The following AFF3 variants were observed in gnomAD, a reference collection of about 807,000 sequenced individuals.
AFF3 encodes AF4/FMR2 family member 3.
In AFF3, 32 loss-of-function variants were observed where a neutral mutation model predicts 129.7. That is an observed-to-expected ratio of 0.25 (90% CI 0.19 to 0.33). The LOEUF is 0.33. Among genes scored for constraint, AFF3 ranks in the 10% least tolerant of loss-of-function variants. The pLI is 1.00. For missense variants in AFF3, 1,373 were observed against 1,592.0 expected (o/e 0.86, Z 2.34); for synonymous variants, 644 against 635.4 (o/e 1.01, Z -0.20).
At chr2:100,116,602 C>A (rs1385333360) in intron 2 of AFF3, among the ~76,000 whole-genome samples, 4 of 152,046 alleles carry the variant, frequency 2.6e-5, no homozygotes, top group Admixed American at 2.6e-4. Context: ...TATTTTCTTC[C>A]AGGAAAATTC....
chr2:99,832,951 G>A (rs1467795901), intron 8 of AFF3, among the ~76,000 whole-genome samples: 1 of 152,158 alleles, frequency 6.6e-6, no homozygotes, highest in Non-Finnish European at 1.5e-5. Flanking sequence ...AACAGTATGA[G>A]CTAGAAAAAA....
intron 7 of AFF3, among the ~76,000 whole-genome samples, chr2:99,917,610 G>A (rs1299110382): frequency 6.6e-6 from 1 of 152,126 alleles, no homozygotes; most frequent in East Asian, 1.9e-4. Context: ...ATCATAGAAT[G>A]ACAATAATTT....
intron 7 of AFF3, among the ~76,000 whole-genome samples, chr2:99,940,507 G>T (rs1378796379): frequency 6.6e-6 from 1 of 152,192 alleles, no homozygotes; most frequent in African/African-American, 2.4e-5. Context: ...CCAAAACCAA[G>T]ATGGTGACGA....
rs962379073 is a variant in AFF3, at chr2:99,873,262, C to G, written c.874-35738G>C. Among the ~76,000 whole-genome samples the G allele has an allele frequency of 2.0e-5, 3 of 152,170 alleles. No homozygotes were observed. In the East Asian group the frequency reaches 5.8e-4, roughly 29 times the overall value. ...TGGCATTTTTTAAAAACTGGGTGTT[C>G]GTGGCAGAAAAGAACAAAATGACTG... On this transcript the variant is annotated intron_variant, in intron 7 of 24. Coordinates refer to ENST00000672756, the MANE Select transcript of AFF3 (RefSeq NM_001386135.1).
At chr2:99,675,245 G>C (rs1462159807) in intron 11 of AFF3, among the ~76,000 whole-genome samples, 4 of 152,324 alleles carry the variant, frequency 2.6e-5, no homozygotes, top group African/African-American at 4.8e-5. Flanking sequence ...GACTTCAAGA[G>C]AAGTTCAAAT....
chr2:99,927,390 T>C (rs1327110327), intron 7 of AFF3, among the ~76,000 whole-genome samples: 2 of 152,192 alleles, frequency 1.3e-5, no homozygotes, highest in Non-Finnish European at 2.9e-5. Flanking sequence ...TGGGATACTA[T>C]GCAGCTACAA....
intron 2 of AFF3, chr2:100,106,553 AGGCTGGG>A: frequency 1.3e-5 from 13 of 996,270 alleles, no homozygotes; most frequent in Non-Finnish European, 1.6e-5. Flanking sequence ...CCAGGAACAA[AGGCTGGG>A]GGTGGAGGGT....
intron 4 of AFF3, among the ~76,000 whole-genome samples, chr2:100,032,614 A>G (rs1684591498): frequency 6.6e-6 from 1 of 152,208 alleles, no homozygotes. Context: ...ATTTTGATGT[A>G]ATGAAGATAT....
chr2:99,813,132 A>T (rs1686923913), intron 8 of AFF3, among the ~76,000 whole-genome samples: 1 of 151,730 alleles, frequency 6.6e-6, no homozygotes, highest in East Asian at 1.9e-4. Context: ...TGCTTTAAAC[A>T]ACTTTTCCAA....
rs1380091380 is a variant in AFF3 at position 99,546,894 on chromosome 2, C to T, written c.*4580G>A. On this transcript the variant is annotated 3_prime_UTR_variant, in exon 25 of 25. Coordinates refer to ENST00000672756, the MANE Select transcript of AFF3 (RefSeq NM_001386135.1). Reference sequence around the variant, plus strand: ...AGGAACCCTGTGGCCATTGAGATGACCTTCTCAAGCTTCCTGTTGAGCCTT... The same window carrying T: ...AGGAACCCTGTGGCCATTGAGATGATCTTCTCAAGCTTCCTGTTGAGCCTT... The T allele has an allele frequency of 4.5e-6, 1 of 220,504 alleles. No homozygotes were observed. Among genetic ancestry groups the T allele is most frequent in the Non-Finnish European group, 9.1e-6 (1 of 110,272 alleles). 13.7% of individuals were successfully genotyped at this position (220,504 alleles called of 1,614,324 possible). A position where few individuals can be genotyped will look rare whatever the true frequency, so the allele number is the denominator to read the frequency against.
chr2:99,778,915 T>C, intron 8 of AFF3, among the ~76,000 whole-genome samples: 1 of 151,738 alleles, frequency 6.6e-6, no homozygotes, highest in South Asian at 2.1e-4. Flanking sequence ...TGTGTGTGTG[T>C]GTGTGTGTGT....
intron 4 of AFF3, among the ~76,000 whole-genome samples, chr2:100,035,306 G>T (rs1156838742): frequency 6.6e-6 from 1 of 152,190 alleles, no homozygotes; most frequent in African/African-American, 2.4e-5. Context: ...TTATGCTAAA[G>T]AAATCGTCAC....
Position 99,883,275 on chromosome 2 carries a change from G to C in AFF3, c.874-45751C>G, listed in dbSNP as rs769988336. Among the ~76,000 whole-genome samples the C allele has an allele frequency of 9.5e-4, 144 of 152,212 alleles. 3 individuals carry two copies. Among genetic ancestry groups the C allele is most frequent in the Non-Finnish European group, 9.3e-4 (63 of 68,002 alleles). ...AACTCTCATGTATAAAACCTTTCAA[G>C]TATAAAAGAAATAAGCTACCCCCTA... On this transcript the variant is annotated intron_variant, in intron 7 of 24. Coordinates refer to ENST00000672756, the MANE Select transcript of AFF3 (RefSeq NM_001386135.1).
At chr2:99,947,597 A>T (rs192694020) in intron 7 of AFF3, among the ~76,000 whole-genome samples, 142 of 140,880 alleles carry the variant, frequency 1.0e-3, no homozygotes, top group African/African-American at 3.5e-3. Flanking sequence ...GAAAGAAAGA[A>T]AGAAAGATAG....
At chr2:100,001,483 C>T (rs1469044949) in intron 7 of AFF3, among the ~76,000 whole-genome samples, 2 of 152,226 alleles carry the variant, frequency 1.3e-5, no homozygotes, top group Non-Finnish European at 2.9e-5. Context: ...GACTGGACTG[C>T]AGTGGCATGA....
At chr2:99,763,509 C>T (rs190280523) in intron 8 of AFF3, among the ~76,000 whole-genome samples, 41 of 152,302 alleles carry the variant, frequency 2.7e-4, no homozygotes, top group Admixed American at 9.1e-4. Flanking sequence ...GATTGCACCA[C>T]TGCACTCCAG....
At chr2:99,956,120 T>C (rs1576425806) in intron 7 of AFF3, among the ~76,000 whole-genome samples, 1 of 144,684 alleles carries the variant, frequency 6.9e-6, no homozygotes, top group East Asian at 1.9e-4. Flanking sequence ...CCTCATTTAG[T>C]CTTTTTTTTT....
At chr2:99,959,730 T>C (rs1051454618) in intron 7 of AFF3, among the ~76,000 whole-genome samples, 2 of 150,346 alleles carry the variant, frequency 1.3e-5, no homozygotes, top group Non-Finnish European at 3.0e-5. Flanking sequence ...TATGCGATTA[T>C]TGGCATTTTT....
At chr2:99,993,267 T>G (rs1680522564) in intron 7 of AFF3, among the ~76,000 whole-genome samples, 1 of 152,232 alleles carries the variant, frequency 6.6e-6, no homozygotes, top group Non-Finnish European at 1.5e-5. Flanking sequence ...TAAGGATTTT[T>G]GGTTCTGAAA....
Sources: allele counts gnomAD v4.1 joint callset (sites outside exome capture counted in the v4.1 genomes callset), GRCh38; gene constraint gnomAD v4.1.1; transcripts MANE v1.5; gene names NCBI Gene and HGNC (gene_info 2026-07-23, HGNC 2026-07-21).